The following CRTC1 variants were observed in gnomAD, a reference collection of about 807,000 sequenced individuals.
CRTC1 encodes CREB-regulated transcription coactivator 1.
A neutral mutation model predicts 66.1 loss-of-function variants in CRTC1; 18 were observed. That is an observed-to-expected ratio of 0.27 (90% confidence interval 0.19 to 0.40). CRTC1 has a LOEUF of 0.40. CRTC1 is among the 10% of genes least tolerant of loss of function. The pLI, the probability that CRTC1 is intolerant of heterozygous loss-of-function variation, is 1.00. For synonymous variants in CRTC1, 416 were observed against 398.8 expected (o/e 1.04, Z -0.51); for missense variants, 669 against 887.9 (o/e 0.75, Z 3.13).
intron 4 of CRTC1, among the ~76,000 whole-genome samples, 196 bp downstream of exon 4, chr19:18,747,310 C>T (rs1240736853): frequency 6.6e-6 from 1 of 151,984 alleles, no homozygotes; most frequent in Non-Finnish European, 1.5e-5. Flanking sequence ...CTAACATTTC[C>T]CTTCCCCCCA....
At chr19:18,694,335 A>G (rs897522416) in intron 1 of CRTC1, among the ~76,000 whole-genome samples, 1 of 152,050 alleles carries the variant, frequency 6.6e-6, no homozygotes, top group Non-Finnish European at 1.5e-5. Context: ...AGACGAAGAA[A>G]AAAATAAAAA....
chr19:18,747,027 G>T (rs758454872), intron 3 of CRTC1, 26 bp from the exon 4 acceptor site: 1 of 1,610,338 alleles, frequency 6.2e-7, no homozygotes, highest in South Asian at 1.1e-5. Context: ...CTCAGCCAGT[G>T]GCACTGCCCC....
At chr19:18,692,842 G>A (rs898479382) in intron 1 of CRTC1, among the ~76,000 whole-genome samples, 3 of 151,968 alleles carry the variant, frequency 2.0e-5, no homozygotes, top group Non-Finnish European at 2.9e-5. Context: ...TTGGGAGGCC[G>A]AGGCAGGCGG....
intron 1 of CRTC1, among the ~76,000 whole-genome samples, chr19:18,717,001 G>A (rs1179803275): frequency 1.3e-5 from 2 of 152,066 alleles, no homozygotes; most frequent in Non-Finnish European, 2.9e-5. Flanking sequence ...GGACAGGAGT[G>A]TGAGCATGTG....
chr19:18,778,775 C>T lies in CRTC1; in HGVS notation c.*1393C>T, dbSNP rs572414585. On this transcript the variant is annotated 3_prime_UTR_variant, in exon 14 of 14. Coordinates refer to ENST00000321949, the MANE Select transcript of CRTC1 (RefSeq NM_015321.3). ...TGGCAGGGAGCGAGGGTCCCCGAGA[C>T]GAGGACCACGGTCCTCCCTGAGAAC... 3 of 230,990 alleles carry T rather than the reference C, an allele frequency of 1.3e-5. No individual in the cohort carries two copies. Among genetic ancestry groups the T allele is most frequent in the South Asian group, 1.8e-4 (1 of 5,508 alleles). 14.3% of individuals were successfully genotyped at this position (230,990 alleles called of 1,614,324 possible).
intron 1 of CRTC1, among the ~76,000 whole-genome samples, chr19:18,724,269 C>T (rs1015628566): frequency 6.6e-6 from 1 of 152,018 alleles, no homozygotes; most frequent in African/African-American, 2.4e-5. Context: ...GTTCTCTGCA[C>T]TCGCTAGGAG....
chr19:18,741,603 C>T lies in CRTC1; in HGVS notation c.127-1307C>T, dbSNP rs2145722618. Among the ~76,000 whole-genome samples the T allele has an allele frequency of 6.6e-6, 1 of 152,286 alleles. No individual in the cohort carries two copies. The highest frequency in any genetic ancestry group is 2.1e-4 in the South Asian group (1 of 4,828). On this transcript the variant is annotated intron_variant, in intron 1 of 13. Coordinates refer to ENST00000321949, the MANE Select transcript of CRTC1 (RefSeq NM_015321.3). This position sits in a 1 kb window ranked among gnomAD's most constrained non-coding sequence, Gnocchi z 4.2. ...CTACACCCCCTCCCTCTGCCACAGC[C>T]CGGAGCTGGCCTGTTTCATCTGGTG...
rs557739761 is a variant in CRTC1, at chr19:18,770,548, G to T, written c.1321-894G>T. Among the ~76,000 whole-genome samples the T allele has an allele frequency of 4.6e-5, 7 of 152,380 alleles. No homozygotes were observed. The East Asian group carries it at 1.3e-3, about 29-fold the overall frequency. ...AGCCGGGAACAGGAGGCAGCCTTGG[G>T]TTTTCCCTGCCCATGGCGGTGTGTG... On this transcript the variant is annotated intron_variant, in intron 10 of 13. Transcript: ENST00000321949.
chr19:18,721,201 T>TTG (rs1555779628), intron 1 of CRTC1, among the ~76,000 whole-genome samples: 2 of 151,672 alleles, frequency 1.3e-5, no homozygotes, highest in African/African-American at 4.8e-5. Flanking sequence ...CTCTGTTTTT[T>TTG]TTTTTTTTTT....
At chr19:18,751,220 G>C (rs544899844) in intron 5 of CRTC1, among the ~76,000 whole-genome samples, 26 of 151,998 alleles carry the variant, frequency 1.7e-4, no homozygotes, top group African/African-American at 6.0e-4. Flanking sequence ...TGTGCAACAG[G>C]CATAAAGAAA....
chr19:18,781,403 C>T lies in CRTC1; in HGVS notation c.*4021C>T. 1 of 230,234 alleles carries T rather than the reference C, an allele frequency of 4.3e-6. No individual in the cohort carries two copies. The highest frequency in any genetic ancestry group is 6.2e-5 in the East Asian group (1 of 16,244). 14.3% of individuals were successfully genotyped at this position (230,234 alleles called of 1,614,324 possible). A position where few individuals can be genotyped will look rare whatever the true frequency, so the allele number is the denominator to read the frequency against. ...CTTGCGGCATGTGATTTGGGGGTCC[C>T]TGGGACATTCTCCCGTCAGCTCCAC... On this transcript the variant is annotated 3_prime_UTR_variant, in exon 14 of 14. Transcript: ENST00000321949.
intron 1 of CRTC1, among the ~76,000 whole-genome samples, chr19:18,695,003 G>A (rs183527313): frequency 6.3e-4 from 96 of 151,306 alleles, no homozygotes; most frequent in African/African-American, 2.3e-3. Context: ...CTCAAGTAGC[G>A]GAGACTATAG....
intron 1 of CRTC1, among the ~76,000 whole-genome samples, chr19:18,720,904 G>C (rs918187937): frequency 1.3e-5 from 2 of 152,132 alleles, no homozygotes; most frequent in African/African-American, 4.8e-5. Context: ...CATGCGTGGG[G>C]CCTTAGTCCT....
chr19:18,724,879 C>T (rs2053711316), intron 1 of CRTC1, among the ~76,000 whole-genome samples: 1 of 146,836 alleles, frequency 6.8e-6, no homozygotes, highest in Non-Finnish European at 1.5e-5. Flanking sequence ...ATTCACTCCC[C>T]AGTAGCTGAG....
At position 18,698,434 on chromosome 19, in the gene CRTC1, AG is replaced by A. The variant is rs560218104; in HGVS notation, c.126+14607del. Among the ~76,000 whole-genome samples the A allele has an allele frequency of 9.3e-5, 14 of 149,784 alleles. No homozygotes were observed. In the East Asian group the frequency reaches 2.8e-3, roughly 30 times the overall value. On this transcript the variant is annotated intron_variant, in intron 1 of 13. Coordinates refer to ENST00000321949, the MANE Select transcript of CRTC1 (RefSeq NM_015321.3). ...CAGGCACACACAACAGTGTGTACTC[AG>A]CAAGTGCTTAGCAGGTGCACAGTGT... is the stretch of plus-strand genomic sequence containing the variant.
At chr19:18,690,555 C>A (rs756536581) in intron 1 of CRTC1, among the ~76,000 whole-genome samples, 1 of 152,172 alleles carries the variant, frequency 6.6e-6, no homozygotes, top group Non-Finnish European at 1.5e-5. Flanking sequence ...AGCTGCATGC[C>A]CTGCAGCAGG....
Position 18,760,224 on chromosome 19 carries a change from C to T in CRTC1, c.882C>T (p.Gly294=), listed in dbSNP as rs369344507. 2 of 1,596,498 alleles carry T rather than the reference C, an allele frequency of 1.3e-6. No homozygotes were observed. The highest frequency in any genetic ancestry group is 2.7e-5 in the African/African-American group (2 of 74,524). Residue 294 remains glycine, a synonymous_variant, in exon 8 of 14, where the codon GGC becomes GGT. Transcript: ENST00000321949. This position sits in a 1 kb window ranked among gnomAD's most constrained non-coding sequence, Gnocchi z 6.2. ...CGCACCTGGGCATCGGTGGCGCCGG[C>T]CAGGGTAAGGCAGGGACACTCCGCC... The part of the protein sequence containing the change: ...NLTHLGIGGA[G]QGMSTPGSSP...
chr19:18,762,659 C>T (rs1424825988), intron 8 of CRTC1, among the ~76,000 whole-genome samples: 2 of 152,226 alleles, frequency 1.3e-5, no homozygotes, highest in African/African-American at 2.4e-5. Flanking sequence ...ACACCTGGCC[C>T]GCCCTCCCCT....
At chr19:18,695,763 GGTGAGGCAGGAGAATGGC>G (rs2052970628) in intron 1 of CRTC1, among the ~76,000 whole-genome samples, 1 of 152,174 alleles carries the variant, frequency 6.6e-6, no homozygotes, top group Non-Finnish European at 1.5e-5. Flanking sequence ...TACTCGGGAG[GGTGAGGCAGGAGAATGGC>G]GTGAACCCGG....
Sources: allele counts gnomAD v4.1 joint callset (sites outside exome capture counted in the v4.1 genomes callset), GRCh38; gene constraint gnomAD v4.1.1; non-coding constraint Gnocchi (gnomAD v3.1); transcripts MANE v1.5; gene names NCBI Gene and HGNC (gene_info 2026-07-23, HGNC 2026-07-21).